NIPAL2: variants seen among roughly 807,000 people sequenced by gnomAD.
NIPAL2 encodes NIPA-like protein 2.
Under a neutral mutation model 48.9 loss-of-function variants are expected in NIPAL2, and 43 were observed. That is an observed-to-expected ratio of 0.88 (90% confidence interval 0.69 to 1.13). The LOEUF is 1.13. Among genes scored for constraint, NIPAL2 ranks in the 50% most tolerant of loss-of-function variants. The pLI, the probability that NIPAL2 is intolerant of heterozygous loss-of-function variation, is 0.00. For missense variants in NIPAL2, 446 were observed against 461.4 expected (o/e 0.97, Z 0.31); for synonymous variants, 167 against 174.6 (o/e 0.96, Z 0.34).
chr8:98,217,296 G>A (rs1341619600), intron 5 of NIPAL2: 7 of 985,028 alleles, frequency 7.1e-6, no homozygotes, highest in Non-Finnish European at 8.4e-6. Flanking sequence ...TCTGGGGCAC[G>A]CAAACACACA....
chr8:98,216,808 T>C (rs543059655), intron 5 of NIPAL2, among the ~76,000 whole-genome samples: 17 of 152,328 alleles, frequency 1.1e-4, no homozygotes, highest in African/African-American at 3.8e-4. Context: ...CATGAAGTAA[T>C]TGAGAATCAG....
chr8:98,266,422 T>C (rs1254346703), intron 1 of NIPAL2, among the ~76,000 whole-genome samples: 1 of 151,828 alleles, frequency 6.6e-6, no homozygotes, highest in East Asian at 1.9e-4. Flanking sequence ...GGCAACACAG[T>C]GAAACCCTGT....
At chr8:98,213,897 C>G (rs1811443945) in intron 5 of NIPAL2, among the ~76,000 whole-genome samples, 1 of 152,192 alleles carries the variant, frequency 6.6e-6, no homozygotes, top group Admixed American at 6.5e-5. Context: ...TCTGTCTTCC[C>G]TACTAGAATG....
At chr8:98,229,887 C>T (rs1176058346) in intron 4 of NIPAL2, among the ~76,000 whole-genome samples, 2 of 152,038 alleles carry the variant, frequency 1.3e-5, no homozygotes, top group Non-Finnish European at 2.9e-5. Context: ...AAATGATTTA[C>T]CTTTGTGTTA....
At chr8:98,234,668 C>T (rs990728456) in intron 4 of NIPAL2, among the ~76,000 whole-genome samples, 1 of 151,702 alleles carries the variant, frequency 6.6e-6, no homozygotes. Context: ...CTGCCTCAGC[C>T]TCCCAAGTAG....
At chr8:98,239,324 C>G (rs937074565) in intron 3 of NIPAL2, among the ~76,000 whole-genome samples, 2 of 152,198 alleles carry the variant, frequency 1.3e-5, no homozygotes, top group African/African-American at 4.8e-5. Context: ...TCCTTGCTCT[C>G]AGTCCAGAGC....
intron 8 of NIPAL2, among the ~76,000 whole-genome samples, chr8:98,197,212 C>A (rs1403063146): frequency 6.6e-6 from 1 of 151,946 alleles, no homozygotes; most frequent in African/African-American, 2.4e-5. Context: ...AAGCAAGTCA[C>A]ACTAAATTTT....
intron 8 of NIPAL2, among the ~76,000 whole-genome samples, chr8:98,197,744 C>T (rs1208556270): frequency 6.6e-6 from 1 of 152,202 alleles, no homozygotes; most frequent in Non-Finnish European, 1.5e-5. Context: ...TAAAAAGCAA[C>T]TCCTCATCCA....
intron 5 of NIPAL2, among the ~76,000 whole-genome samples, chr8:98,221,956 A>T (rs1385044304): frequency 6.6e-6 from 1 of 152,216 alleles, no homozygotes; most frequent in Non-Finnish European, 1.5e-5. Context: ...AGGATTATAA[A>T]TCATTCTACT....
intron 8 of NIPAL2, among the ~76,000 whole-genome samples, chr8:98,197,540 A>T (rs1460690755): frequency 6.6e-6 from 1 of 152,334 alleles, no homozygotes; most frequent in Middle Eastern, 3.4e-3. Context: ...GTAGCATGCC[A>T]TACTGTTTGA....
At chr8:98,193,802 C>CAAA (rs34531935) in intron 10 of NIPAL2, among the ~76,000 whole-genome samples, 2 of 120,022 alleles carry the variant, frequency 1.7e-5, no homozygotes, top group Admixed American at 8.1e-5. Context: ...GACTCCATCT[C>CAAA]AAAAAAAAAA....
At chr8:98,230,581 T>A (rs549980398) in intron 4 of NIPAL2, among the ~76,000 whole-genome samples, 1 of 152,312 alleles carries the variant, frequency 6.6e-6, no homozygotes, top group Admixed American at 6.5e-5. Flanking sequence ...ACTGAAGTAG[T>A]GTTTTGGGGG....
chr8:98,252,601 G>GCT lies in NIPAL2; in HGVS notation c.236_237dup (p.His80SerfsTer18). 1 of 1,612,816 alleles carries GCT rather than the reference G, an allele frequency of 6.2e-7. No homozygotes were observed. Among genetic ancestry groups the GCT allele is most frequent in the Non-Finnish European group, 8.5e-7 (1 of 1,179,688 alleles). On this transcript the variant is annotated frameshift_variant, in exon 3 of 11. Transcript: ENST00000430223. LOFTEE classifies it high-confidence loss of function. Reference sequence around the variant, plus strand: ...ACACTCTTGAAGTATGGCCTTGGGTGCTCTTGTTGTGCCAGCTGAAGGTGA... The same window carrying GCT: ...ACACTCTTGAAGTATGGCCTTGGGTGCTCTCTTGTTGTGCCAGCTGAAGGTGA...
chr8:98,273,803 A>G lies in NIPAL2; in HGVS notation c.136-19716T>C, dbSNP rs571348433. Among the ~76,000 whole-genome samples, 4 of 152,046 alleles carry G rather than the reference A, an allele frequency of 2.6e-5. No individual in the cohort carries two copies. In the East Asian group the frequency reaches 7.7e-4, roughly 29 times the overall value. On this transcript the variant is annotated intron_variant, in intron 1 of 10. Transcript: ENST00000430223. ...TAGCTTTTTCCCTTTCTTCTTATCT[A>G]ATAATATATGAAAGTACCACTATAC...
At chr8:98,223,971 C>CA (rs1000715775) in intron 4 of NIPAL2, among the ~76,000 whole-genome samples, 1 of 151,988 alleles carries the variant, frequency 6.6e-6, no homozygotes, top group Non-Finnish European at 1.5e-5. Flanking sequence ...GGAAGAGATT[C>CA]AAAAAAACTG....
intron 7 of NIPAL2, 62 bp from the exon 8 acceptor site, chr8:98,203,258 A>G (rs528507108): frequency 2.5e-6 from 3 of 1,196,362 alleles, no homozygotes; most frequent in Admixed American, 1.7e-5. Flanking sequence ...TAAGTTAACA[A>G]TAACTTCAAG....
At chr8:98,275,208 T>A (rs1217556257) in intron 1 of NIPAL2, among the ~76,000 whole-genome samples, 1 of 152,080 alleles carries the variant, frequency 6.6e-6, no homozygotes, top group African/African-American at 2.4e-5. Context: ...AATCACAATA[T>A]GCATCTGTAC....
chr8:98,199,407 T>A (rs181481070), intron 8 of NIPAL2, among the ~76,000 whole-genome samples: 2 of 152,328 alleles, frequency 1.3e-5, no homozygotes, highest in South Asian at 2.1e-4. Context: ...GGATGCTTCC[T>A]TTCATCTGAA....
chr8:98,221,636 G>T (rs947861004), intron 5 of NIPAL2, among the ~76,000 whole-genome samples: 1 of 152,008 alleles, frequency 6.6e-6, no homozygotes, highest in Non-Finnish European at 1.5e-5. Flanking sequence ...ATGGTGATTT[G>T]CTGTACCCAT....
Sources: allele counts gnomAD v4.1 joint callset (sites outside exome capture counted in the v4.1 genomes callset), GRCh38; gene constraint gnomAD v4.1.1; transcripts MANE v1.5; gene names NCBI Gene and HGNC (gene_info 2026-07-23, HGNC 2026-07-21).